ABL2: variants seen among roughly 807,000 people sequenced by gnomAD.
ABL2 encodes the protein ABL proto-oncogene 2, non-receptor tyrosine kinase, also known as tyrosine-protein kinase ABL2.
ABL2 carries 49 observed loss-of-function variants against 107.7 expected under a neutral mutation model. That is an observed-to-expected ratio of 0.45 (90% CI 0.36 to 0.58). The LOEUF is 0.58. Among genes scored for constraint, ABL2 ranks in the 20% least tolerant of loss-of-function variants. The pLI is 0.00. For synonymous variants in ABL2, 549 were observed against 548.6 expected (o/e 1.00, Z -0.01); for missense variants, 1,245 against 1,457.0 (o/e 0.85, Z 2.37).
chr1:179,109,882 C>T (rs972837578), intron 11 of ABL2, among the ~76,000 whole-genome samples: 2 of 149,376 alleles, frequency 1.3e-5, no homozygotes, highest in African/African-American at 2.5e-5. Flanking sequence ...GAGCCGAGAT[C>T]GCACCACTGT....
chr1:179,111,046 T>A (rs1292067756), intron 10 of ABL2, among the ~76,000 whole-genome samples: 1 of 145,454 alleles, frequency 6.9e-6, no homozygotes, highest in African/African-American at 2.6e-5. Flanking sequence ...TGCAATGGCG[T>A]GATCTCAGCA....
At chr1:179,175,917 A>G (rs912206344) in intron 1 of ABL2, among the ~76,000 whole-genome samples, 8 of 145,856 alleles carry the variant, frequency 5.5e-5, no homozygotes, top group Admixed American at 5.0e-4. Flanking sequence ...ATACAGTGGT[A>G]CGATCTTGGC....
At chr1:179,147,917 A>G (rs1404081864) in intron 1 of ABL2, among the ~76,000 whole-genome samples, 1 of 152,226 alleles carries the variant, frequency 6.6e-6, no homozygotes, top group African/African-American at 2.4e-5. Context: ...CAATAATAGT[A>G]TAAGTACATG....
At chr1:179,149,107 G>T (rs1658213150) in intron 1 of ABL2, among the ~76,000 whole-genome samples, 1 of 152,154 alleles carries the variant, frequency 6.6e-6, no homozygotes, top group Admixed American at 6.5e-5. Context: ...CAAAGTAAAA[G>T]TTCCTGAAGA....
In ABL2 at chr1:179,114,950, G is replaced by A. The variant is rs1654481075; in HGVS notation, c.1489C>T (p.Leu497=). The A allele has an allele frequency of 3.1e-6, 5 of 1,611,848 alleles. No individual in the cohort carries two copies. Among genetic ancestry groups the A allele is most frequent in the Non-Finnish European group, 4.2e-6 (5 of 1,179,166 alleles). ...TCCATTCGATATCCTTTTTCTAGTA[G>A]GTCATAGACCTGAGACAGGTCAATA... is the stretch of plus-strand genomic sequence containing the variant. ...PGIDLSQVYD[L]LEKGYRMEQP... is the part of the protein sequence containing the mutation. The change falls in exon 9 of 12, where the codon CTA becomes TTA. Residue 497 remains leucine (L), a synonymous_variant. Transcript: ENST00000502732.
intron 3 of ABL2, among the ~76,000 whole-genome samples, chr1:179,130,593 G>A (rs1656195264): frequency 6.6e-6 from 1 of 152,086 alleles, no homozygotes; most frequent in African/African-American, 2.4e-5. Flanking sequence ...ATTAGTGAAA[G>A]GAATGGTAGG....
chr1:179,146,780 T>C (rs1365748813), intron 1 of ABL2, among the ~76,000 whole-genome samples: 1 of 152,164 alleles, frequency 6.6e-6, no homozygotes, highest in Non-Finnish European at 1.5e-5. Flanking sequence ...GTTTCTCCTT[T>C]GCCTTCTGCC....
intron 1 of ABL2, among the ~76,000 whole-genome samples, chr1:179,142,351 A>T (rs777536700): frequency 3.3e-5 from 5 of 152,212 alleles, no homozygotes; most frequent in Non-Finnish European, 7.4e-5. Flanking sequence ...CCACTTGTAC[A>T]AAGTAAATTA....
intron 1 of ABL2, among the ~76,000 whole-genome samples, chr1:179,195,146 G>A (rs1026850572): frequency 4.3e-4 from 66 of 151,972 alleles, no homozygotes; most frequent in African/African-American, 1.5e-3. Flanking sequence ...AACTTACCCG[G>A]GCATGGCAGT....
At chr1:179,110,941 C>T in intron 10 of ABL2, 1 of 1,346,356 alleles carries the variant, frequency 7.4e-7, no homozygotes, top group Non-Finnish European at 1.0e-6. Context: ...GCTGTGGTTA[C>T]TCTGCATGCT....
At chr1:179,220,588 G>A (rs1662817043) in intron 1 of ABL2, among the ~76,000 whole-genome samples, 1 of 152,210 alleles carries the variant, frequency 6.6e-6, no homozygotes, top group Non-Finnish European at 1.5e-5. Flanking sequence ...AATCTTGAGT[G>A]TTTTGACTAA....
At chr1:179,153,692 A>G (rs888621081) in intron 1 of ABL2, among the ~76,000 whole-genome samples, 1 of 151,958 alleles carries the variant, frequency 6.6e-6, no homozygotes, top group Middle Eastern at 3.2e-3. Flanking sequence ...CTGCAACTTT[A>G]TTTTTGCTAT....
At chr1:179,162,251 G>T (rs1425715618) in intron 1 of ABL2, among the ~76,000 whole-genome samples, 1 of 152,054 alleles carries the variant, frequency 6.6e-6, no homozygotes, top group East Asian at 1.9e-4. Context: ...TAAAGAAATG[G>T]CTAACTTATA....
intron 1 of ABL2, among the ~76,000 whole-genome samples, chr1:179,169,131 A>T (rs1659565934): frequency 6.6e-6 from 1 of 152,122 alleles, no homozygotes; most frequent in Admixed American, 6.6e-5. Context: ...TAGAAATGAA[A>T]ATCATAAAAT....
chr1:179,108,595 T>C lies in ABL2; in HGVS notation c.2672A>G (p.Lys891Arg). The C allele has an allele frequency of 6.2e-7, 1 of 1,614,132 alleles. No individual in the cohort carries two copies. The highest frequency in any genetic ancestry group is 8.5e-7 in the Non-Finnish European group (1 of 1,180,022). The change falls in exon 12 of 12, where the codon AAA becomes AGA. Residue 891 changes from lysine to arginine, a missense_variant. This residue lies in a region of ABL2 where 761 missense variants were observed against 766.4 expected (regional missense o/e 0.99). Coordinates refer to ENST00000502732, the MANE Select transcript of ABL2 (RefSeq NM_007314.4). Reference protein sequence around the residue: ...VAGVAAAPKGKEKNGGARLGM... With the variant: ...VAGVAAAPKGREKNGGARLGM... ...AAGTCGTGCCCCACCATTCTTCTCTTTACCCTTGGGGGCAGCTGCCACTCC... is the reference window on the plus strand; with the variant it reads ...AAGTCGTGCCCCACCATTCTTCTCTCTACCCTTGGGGGCAGCTGCCACTCC...
chr1:179,108,161 C>T lies in ABL2; in HGVS notation c.3106G>A (p.Ala1036Thr), dbSNP rs1430395259. 1 of 1,614,124 alleles carries T rather than the reference C, an allele frequency of 6.2e-7. No homozygotes were observed. The highest frequency in any genetic ancestry group is 1.3e-5 in the African/African-American group (1 of 74,938). ...ALGAVPISGKAGRPVMPPPQV... is the reference protein window; with the variant it reads ...ALGAVPISGKTGRPVMPPPQV... ...GGTGGAGGCATCACTGGCCTCCCAG[C>T]TTTCCCACTGATGGGCACTGCGCCC... is the stretch of plus-strand genomic sequence containing the variant. Residue 1036 changes from alanine to threonine, a missense_variant, in exon 12 of 12, where the codon GCT becomes ACT. Ala to Thr is a moderately conservative substitution (Grantham distance 58, BLOSUM62 0). Transcript: ENST00000502732.
chr1:179,109,074 G>A lies in ABL2; in HGVS notation c.2193C>T (p.Asp731=), dbSNP rs144460998. The change falls in exon 12 of 12, where the codon GAC becomes GAT. Residue 731 remains aspartate, a synonymous_variant. Coordinates refer to ENST00000502732, the MANE Select transcript of ABL2 (RefSeq NM_007314.4). ...TGCCACTGCCCCCACCCCCACCACC[G>A]TCGTCATTACAGAGGTTCCTCTGTG... The part of the protein sequence containing the change: ...SFAQRNLCND[D]GGGGGGSGTA... 38 of 790,142 alleles carry A rather than the reference G, an allele frequency of 4.8e-5. No homozygotes were observed. The highest frequency in any genetic ancestry group is 2.5e-4 in the African/African-American group (6 of 23,880). The allele number at this position is 790,142 out of a possible 1,614,324, so 48.9% of individuals were successfully genotyped here.
Position 179,102,003 on chromosome 1 carries a change from T to G in ABL2, c.*5715A>C, listed in dbSNP as rs1653137346. On this transcript the variant is annotated 3_prime_UTR_variant, in exon 12 of 12. Coordinates refer to ENST00000502732, the MANE Select transcript of ABL2 (RefSeq NM_007314.4). ...AGCTTTGCATTAGAATTTCTTTTTT[T>G]TTTTTTTTTTTTTTTTTTTTTTTTT... 1 of 27,398 alleles carries G rather than the reference T, an allele frequency of 3.6e-5. No individual in the cohort carries two copies. Among genetic ancestry groups the G allele is most frequent in the Non-Finnish European group, 7.1e-5 (1 of 14,040 alleles). The allele number at this position is 27,398 out of a possible 1,614,324, so 1.7% of individuals were successfully genotyped here.
intron 1 of ABL2, among the ~76,000 whole-genome samples, chr1:179,173,358 A>ATT (rs554479137): frequency 0.091 from 9,623 of 106,050 alleles, 561 homozygotes; most frequent in Non-Finnish European, 0.11. Flanking sequence ...AAAGGCTGTA[A>ATT]TTTTTTTTTT....
Sources: gnomAD v4.1 joint callset for allele counts (sites outside exome capture counted in the v4.1 genomes callset) on GRCh38, gnomAD v4.1.1 for gene constraint, gnomAD v4.1.1 regional missense constraint, MANE v1.5 for transcripts, NCBI Gene and HGNC (gene_info 2026-07-23, HGNC 2026-07-21) for gene names.